CA10: variants seen among roughly 807,000 people sequenced by gnomAD.
CA10 encodes carbonic anhydrase-related protein 10.
A neutral mutation model predicts 44.2 loss-of-function variants in CA10; 14 were observed. The ratio of observed to expected loss-of-function variants is 0.32; its 90% CI spans 0.21 to 0.50. CA10 has a LOEUF of 0.50. Among genes scored for constraint, CA10 ranks in the 20% least tolerant of loss-of-function variants. The probability of loss-of-function intolerance (pLI) is 0.99; values close to 1 mark genes in which losing one functional copy is unlikely to be tolerated. For synonymous variants in CA10, 159 were observed against 141.6 expected (o/e 1.12, Z -0.87); for missense variants, 350 against 409.7 (o/e 0.85, Z 1.26).
intron 6 of CA10, among the ~76,000 whole-genome samples, chr17:51,647,899 T>C (rs190088572): frequency 1.3e-5 from 2 of 152,298 alleles, no homozygotes; most frequent in South Asian, 2.1e-4. Context: ...TAATTCATTC[T>C]TCTGGGCAAT....
chr17:51,861,004 C>T (rs1164022906), intron 3 of CA10, among the ~76,000 whole-genome samples: 1 of 152,166 alleles, frequency 6.6e-6, no homozygotes, highest in Admixed American at 6.6e-5. Context: ...ACATAAAATA[C>T]CTTCCATGCC....
chr17:52,117,986 G>T (rs974856148), intron 1 of CA10, among the ~76,000 whole-genome samples: 2 of 152,148 alleles, frequency 1.3e-5, no homozygotes, highest in African/African-American at 4.8e-5. Flanking sequence ...GTATTATATG[G>T]TTTTTCTGCA....
intron 1 of CA10, among the ~76,000 whole-genome samples, chr17:52,150,684 C>G (rs540213108): frequency 8.5e-5 from 13 of 152,220 alleles, no homozygotes; most frequent in African/African-American, 3.1e-4. Flanking sequence ...AACTGCTACA[C>G]AATGCTTTGT....
chr17:51,758,079 A>T (rs1351951684), intron 3 of CA10, among the ~76,000 whole-genome samples: 1 of 152,104 alleles, frequency 6.6e-6, no homozygotes, highest in Non-Finnish European at 1.5e-5. Flanking sequence ...CTGCAGGGAA[A>T]ATAGTGGGTT....
rs192155641 is a variant in CA10 at position 52,016,962 on chromosome 17, C to G, written c.136+55357G>C. 3.3e-5 allele frequency among the ~76,000 whole-genome samples: 5 copies of G among 152,166 alleles called. No homozygotes were observed. In the East Asian group the frequency reaches 9.7e-4, roughly 30 times the overall value. On this transcript the variant is annotated intron_variant, in intron 2 of 8. Coordinates refer to ENST00000451037, the MANE Select transcript of CA10 (RefSeq NM_020178.5). ...AAATAACCTGGCACTTTCTTCCTTG[C>G]TCTCTTGCTCCCTTTCTCACCATTT...
chr17:51,901,229 G>A (rs978721570), intron 3 of CA10, among the ~76,000 whole-genome samples: 4 of 151,950 alleles, frequency 2.6e-5, no homozygotes, highest in African/African-American at 4.8e-5. Context: ...GTTTGATTGC[G>A]GTATAAAGTG....
chr17:51,781,850 A>G (rs574753634), intron 3 of CA10, among the ~76,000 whole-genome samples: 108 of 152,290 alleles, frequency 7.1e-4, no homozygotes, highest in African/African-American at 2.4e-3. Flanking sequence ...ATACCATTTT[A>G]TGTCTTATAT....
chr17:52,083,807 T>G (rs1311853296), intron 1 of CA10, among the ~76,000 whole-genome samples: 1 of 151,846 alleles, frequency 6.6e-6, no homozygotes, highest in African/African-American at 2.4e-5. Context: ...TTTACGCACT[T>G]ACCCATTGAT....
intron 3 of CA10, among the ~76,000 whole-genome samples, chr17:51,801,370 C>T (rs1198229591): frequency 6.6e-6 from 1 of 152,042 alleles, no homozygotes; most frequent in African/African-American, 2.4e-5. Context: ...TTTTCTCCCT[C>T]TTGCAATTTA....
At chr17:51,721,867 C>T (rs1012192099) in intron 4 of CA10, among the ~76,000 whole-genome samples, 2 of 152,124 alleles carry the variant, frequency 1.3e-5, no homozygotes, top group African/African-American at 4.8e-5. Flanking sequence ...ACACTGTGTA[C>T]CTGTTCCATG....
At chr17:51,714,801 T>C (rs995577655) in intron 4 of CA10, among the ~76,000 whole-genome samples, 1 of 152,194 alleles carries the variant, frequency 6.6e-6, no homozygotes, top group Non-Finnish European at 1.5e-5. Flanking sequence ...GTTTGTGGCC[T>C]GAGGAGAGAG....
intron 3 of CA10, among the ~76,000 whole-genome samples, chr17:51,903,323 C>T (rs1277472065): frequency 1.3e-5 from 2 of 152,098 alleles, no homozygotes; most frequent in African/African-American, 4.8e-5. Flanking sequence ...AAGTGGCTTA[C>T]TTAATATTGC....
chr17:52,081,532 G>A (rs889314797), intron 1 of CA10, among the ~76,000 whole-genome samples: 1 of 152,122 alleles, frequency 6.6e-6, no homozygotes, highest in Non-Finnish European at 1.5e-5. Context: ...CGGGCGCGGT[G>A]GCTCACGCCT....
At chr17:51,945,920 A>C (rs1983256478) in intron 2 of CA10, among the ~76,000 whole-genome samples, 1 of 152,152 alleles carries the variant, frequency 6.6e-6, no homozygotes, top group Non-Finnish European at 1.5e-5. Context: ...TGATGATAGA[A>C]ATTTGTGCTA....
At chr17:51,727,571 G>A (rs1467670153) in intron 4 of CA10, among the ~76,000 whole-genome samples, 1 of 152,160 alleles carries the variant, frequency 6.6e-6, no homozygotes, top group Non-Finnish European at 1.5e-5. Flanking sequence ...TATGCCTCAG[G>A]AAGTGGGCAG....
At chr17:51,987,391 G>A (rs1391057155) in intron 2 of CA10, among the ~76,000 whole-genome samples, 2 of 151,936 alleles carry the variant, frequency 1.3e-5, no homozygotes, top group African/African-American at 4.8e-5. Context: ...GTGGGAAGGG[G>A]GCGAGGGATA....
intron 4 of CA10, among the ~76,000 whole-genome samples, chr17:51,663,430 G>T (rs1444132959): frequency 6.6e-6 from 1 of 152,116 alleles, no homozygotes; most frequent in Non-Finnish European, 1.5e-5. Context: ...GCTGATTTTA[G>T]TTAAGCCTAT....
At chr17:52,065,961 G>C (rs1422773250) in intron 2 of CA10, among the ~76,000 whole-genome samples, 3 of 152,160 alleles carry the variant, frequency 2.0e-5, no homozygotes, top group Non-Finnish European at 4.4e-5. Context: ...GCATCCAGTT[G>C]TTCCTTCACT....
intron 4 of CA10, among the ~76,000 whole-genome samples, chr17:51,690,447 G>A (rs1314655252): frequency 6.6e-6 from 1 of 152,126 alleles, no homozygotes; most frequent in East Asian, 1.9e-4. Flanking sequence ...AAGATTCCAT[G>A]TGTGATATGG....
Sources: gnomAD v4.1 joint callset for allele counts (sites outside exome capture counted in the v4.1 genomes callset) on GRCh38, gnomAD v4.1.1 for gene constraint, MANE v1.5 for transcripts, NCBI Gene and HGNC (gene_info 2026-07-23, HGNC 2026-07-21) for gene names.